Variants in IQGAP3 observed in about 807,000 individuals in gnomAD.
IQGAP3 encodes the protein IQ motif containing GTPase activating protein 3, also known as ras GTPase-activating-like protein IQGAP3.
In IQGAP3, 165 loss-of-function variants were observed where a neutral mutation model predicts 208.2. The observed-to-expected ratio is 0.79, with a 90% confidence interval of 0.70 to 0.90. The LOEUF (loss-of-function observed/expected upper bound fraction) is 0.90. Ranked by LOEUF, IQGAP3 falls within the 40% of genes least tolerant of loss-of-function variation. The probability of loss-of-function intolerance (pLI) is 0.00; values close to 1 mark genes in which losing one functional copy is unlikely to be tolerated. For synonymous variants in IQGAP3, 703 were observed against 803.6 expected (o/e 0.87, Z 2.12); for missense variants, 1,811 against 2,043.1 (o/e 0.89, Z 2.19).
chr1:156,535,383 C>A, intron 27 of IQGAP3, 136 bp from the exon 28 acceptor site: 1 of 630,842 alleles, frequency 1.6e-6, no homozygotes, highest in East Asian at 2.8e-5. Context: ...CACTGTCCCT[C>A]CACTAGCCAT....
rs143644649 is a variant in IQGAP3 at position 156,556,935 on chromosome 1, T to TAAGGTGGTGAGCACAAGATTGACAGGTG, written c.1130-243_1130-242insCACCTGTCAATCTTGTGCTCACCACCTT. On this transcript the variant is annotated intron_variant, in intron 11 of 37. Coordinates refer to ENST00000361170, the MANE Select transcript of IQGAP3 (RefSeq NM_178229.5). ...CCTAGAAATTGAGTAGCTCAGCCTC[T>TAAGGTGGTGAGCACAAGATTGACAGGTG]GCCCCGCCGCCCTGTCTGGGATGTG... 2.3e-3 allele frequency among the ~76,000 whole-genome samples: 97 copies of TAAGGTGGTGAGCACAAGATTGACAGGTG among 41,634 alleles called. 19 individuals carry two copies. The highest frequency in any genetic ancestry group is 3.8e-3 in the African/African-American group (65 of 17,254). 27.3% of individuals were successfully genotyped at this position (41,634 alleles called of 152,430 possible).
At chr1:156,527,073 C>T (rs1023935346) in intron 37 of IQGAP3, among the ~76,000 whole-genome samples, 63 of 151,124 alleles carry the variant, frequency 4.2e-4, no homozygotes, top group African/African-American at 4.8e-4. Context: ...CCTCGTGATC[C>T]GCCCGCCTCG....
intron 23 of IQGAP3, among the ~76,000 whole-genome samples, chr1:156,540,467 C>T (rs1230180837): frequency 1.3e-5 from 2 of 152,170 alleles, no homozygotes; most frequent in Non-Finnish European, 2.9e-5. Flanking sequence ...CCCACAGCCC[C>T]ATCCCTGGGA....
chr1:156,572,536 C>G lies in IQGAP3; in HGVS notation c.-7G>C, dbSNP rs1321830528. ...CCGCTGCTCTCCTCTCCATGTTCCT[C>G]CTTCTTCCAGGTTTGAATCTCCCGC... On this transcript the variant is annotated 5_prime_UTR_variant, in exon 1 of 38. Transcript: ENST00000361170. The G allele has an allele frequency of 6.2e-7, 1 of 1,612,986 alleles. No homozygotes were observed. Among genetic ancestry groups the G allele is most frequent in the African/African-American group, 1.3e-5 (1 of 75,066 alleles).
rs1571300857 is a variant in IQGAP3 at position 156,526,081 on chromosome 1, T to C, written c.*405A>G. 1 of 193,452 alleles carries C rather than the reference T, an allele frequency of 5.2e-6. No homozygotes were observed. The highest frequency in any genetic ancestry group is 1.1e-4 in the South Asian group (1 of 9,192). The allele number at this position is 193,452 out of a possible 1,614,324, so 12.0% of individuals were successfully genotyped here. ...GAGGTAGGGATGGGGAGCCTGGCCCTGGCTTTGTGGGAGTGCAGAGAGAAG... is the reference window on the plus strand; with the variant it reads ...GAGGTAGGGATGGGGAGCCTGGCCCCGGCTTTGTGGGAGTGCAGAGAGAAG... On this transcript the variant is annotated 3_prime_UTR_variant, in exon 38 of 38. Transcript: ENST00000361170.
At position 156,535,520 on chromosome 1, in the gene IQGAP3, G is replaced by A. The variant is rs542411888; in HGVS notation, c.3423-273C>T. Among the ~76,000 whole-genome samples, 24 of 152,200 alleles carry A rather than the reference G, an allele frequency of 1.6e-4. 1 individual carries two copies. The South Asian group carries it at 4.8e-3, about 30-fold the overall frequency. On this transcript the variant is annotated intron_variant, in intron 27 of 37. Transcript: ENST00000361170. Reference sequence around the variant, plus strand: ...TCTCACACAGCCTCCAACCTGGCTCGAGAACCTCTTCTTTGAGACTCTCTG... The same window carrying A: ...TCTCACACAGCCTCCAACCTGGCTCAAGAACCTCTTCTTTGAGACTCTCTG...
intron 2 of IQGAP3, among the ~76,000 whole-genome samples, chr1:156,567,417 G>A (rs1676459134): frequency 6.6e-6 from 1 of 152,220 alleles, no homozygotes; most frequent in Non-Finnish European, 1.5e-5. Context: ...ACCTCTGTGA[G>A]CCTCAGTTGC....
intron 34 of IQGAP3, 128 bp from the exon 35 acceptor site, chr1:156,529,210 T>C (rs552747903): frequency 9.7e-7 from 1 of 1,026,320 alleles, no homozygotes; most frequent in South Asian, 1.6e-5. Flanking sequence ...GCTGTTTTCC[T>C]AGAAGGAAAA....
chr1:156,564,584 A>C (rs757214092), intron 5 of IQGAP3, 31 bp downstream of exon 5: 1 of 1,449,580 alleles, frequency 6.9e-7, no homozygotes, highest in Non-Finnish European at 9.7e-7. Flanking sequence ...CACCTAGAGG[A>C]ACCTGGATGA....
At position 156,544,026 on chromosome 1, in the gene IQGAP3, C is replaced by T; in HGVS notation, c.2485G>A (p.Ala829Thr). 1 of 1,614,110 alleles carries T rather than the reference C, an allele frequency of 6.2e-7. No homozygotes were observed. The highest frequency in any genetic ancestry group is 8.5e-7 in the Non-Finnish European group (1 of 1,179,996). ...TGGGCTTTCCTGGCTCGGAAAAATG[C>T]CTGGATCTTCACAATGGAGTTAACC... is the stretch of plus-strand genomic sequence containing the variant. ...KNVNSIVKIQAFFRARKAQDD... is the reference protein window; with the variant it reads ...KNVNSIVKIQTFFRARKAQDD... Residue 829 changes from alanine (A) to threonine (T), a missense_variant, in exon 22 of 38, where the codon GCA becomes ACA. Transcript: ENST00000361170.
At chr1:156,540,099 G>A (rs1343838008) in intron 23 of IQGAP3, 109 bp from the exon 24 acceptor site, 1 of 1,270,770 alleles carries the variant, frequency 7.9e-7, no homozygotes, top group Admixed American at 1.9e-5. Flanking sequence ...TGCTGTTCAA[G>A]GAACAGGCAT....
chr1:156,547,182 C>G (rs1675285562), intron 19 of IQGAP3, among the ~76,000 whole-genome samples: 1 of 152,144 alleles, frequency 6.6e-6, no homozygotes, highest in Non-Finnish European at 1.5e-5. Context: ...ACTTATGGGT[C>G]AGTCTCAGAG....
rs1675143334 is a variant in IQGAP3, at chr1:156,544,547, G to C, written c.2305-75C>G. 6.3e-6 allele frequency: 8 copies of C among 1,270,258 alleles called. No individual in the cohort carries two copies. The South Asian group carries it at 9.6e-5, about 15-fold the overall frequency. The allele number at this position is 1,270,258 out of a possible 1,614,324, so 78.7% of individuals were successfully genotyped here. On this transcript the variant is annotated intron_variant, in intron 19 of 37. Coordinates refer to ENST00000361170, the MANE Select transcript of IQGAP3 (RefSeq NM_178229.5). ...CAGAAAGGCTTTTAAGAAAATCTTT[G>C]TCCTGGGCCCTCCAGGGAATGGAAG...
In IQGAP3 at chr1:156,538,979, C is replaced by T; in HGVS notation, c.3111G>A (p.Arg1037=). 6.2e-7 allele frequency: 1 copy of T among 1,614,214 alleles called. No homozygotes were observed. Among genetic ancestry groups the T allele is most frequent in the African/African-American group, 1.3e-5 (1 of 75,066 alleles). The part of the protein sequence containing the change: ...DVVTGNPTVV[R]LVVRFYRNGR... Reference sequence around the variant, plus strand: ...CATTACGGTAGAATCTCACCACCAGCCTCACCACTGTTGGGTTGCCTGTCA... The same window carrying T: ...CATTACGGTAGAATCTCACCACCAGTCTCACCACTGTTGGGTTGCCTGTCA... The change falls in exon 26 of 38, where the codon AGG becomes AGA. Residue 1037 remains arginine, a synonymous_variant. Transcript: ENST00000361170.
chr1:156,544,488 G>A lies in IQGAP3; in HGVS notation c.2305-16C>T. 1 of 1,606,908 alleles carries A rather than the reference G, an allele frequency of 6.2e-7. No individual in the cohort carries two copies. The highest frequency in any genetic ancestry group is 1.1e-5 in the South Asian group (1 of 90,916). On this transcript the variant is annotated splice_polypyrimidine_tract_variant and intron_variant, in intron 19 of 37. Transcript: ENST00000361170. ...GCCAATGAGCCTGCACATCAGGAGA[G>A]AAAGGGAAGTAACTCAAGCAGGTCT...
chr1:156,567,968 G>A (rs1453346346), intron 2 of IQGAP3, among the ~76,000 whole-genome samples: 1 of 152,184 alleles, frequency 6.6e-6, no homozygotes, highest in South Asian at 2.1e-4. Context: ...AAGTTAATGG[G>A]AAATTTTATG....
chr1:156,556,103 TC>T (rs1187460946), intron 12 of IQGAP3, among the ~76,000 whole-genome samples: 1 of 152,188 alleles, frequency 6.6e-6, no homozygotes, highest in Non-Finnish European at 1.5e-5. Flanking sequence ...GTATTCTAAC[TC>T]CTCCAACAGA....
intron 13 of IQGAP3, 29 bp from the exon 14 acceptor site, chr1:156,552,124 G>A (rs912745382): frequency 6.2e-7 from 1 of 1,608,544 alleles, no homozygotes; most frequent in East Asian, 2.2e-5. Flanking sequence ...GCAGAGAGGT[G>A]AGTAGCATGT....
intron 34 of IQGAP3, among the ~76,000 whole-genome samples, chr1:156,529,454 T>C (rs1287443737): frequency 6.7e-6 from 1 of 149,078 alleles, no homozygotes; most frequent in Admixed American, 6.7e-5. Context: ...AAAAAGAGAG[T>C]TGCAAGAACA....
Sources: allele counts gnomAD v4.1 joint callset (sites outside exome capture counted in the v4.1 genomes callset), GRCh38; gene constraint gnomAD v4.1.1; transcripts MANE v1.5; gene names NCBI Gene and HGNC (gene_info 2026-07-23, HGNC 2026-07-21).